Variants in ANKRD30B observed in about 807,000 individuals in gnomAD.
ANKRD30B encodes the protein ankyrin repeat domain-containing protein 30B.
ANKRD30B carries 144 observed loss-of-function variants against 202.2 expected under a neutral mutation model. That is an observed-to-expected ratio of 0.71 (90% confidence interval 0.62 to 0.82). The LOEUF is 0.82. Among genes scored for constraint, ANKRD30B ranks in the 40% least tolerant of loss-of-function variants. The pLI, the probability that ANKRD30B is intolerant of heterozygous loss-of-function variation, is 0.00. For missense variants in ANKRD30B, 1,487 were observed against 1,669.1 expected, an observed-to-expected ratio of 0.89 and a Z score of 1.90; for synonymous variants, 508 against 561.3, an observed-to-expected ratio of 0.91 and a Z score of 1.34.
At chr18:14,783,380 G>A (rs1313816345) in intron 12 of ANKRD30B, among the ~76,000 whole-genome samples, 1 of 152,080 alleles carries the variant, frequency 6.6e-6, no homozygotes, top group Non-Finnish European at 1.5e-5. Flanking sequence ...GTGCTCATTA[G>A]GTTTCTATGT....
chr18:14,860,473 A>G, the ANKRD30B span, among the ~76,000 whole-genome samples: 1 of 138,980 alleles, frequency 7.2e-6, no homozygotes, highest in African/African-American at 2.7e-5. Context: ...GTGGCCAGGC[A>G]GAGGCACTCC....
intron 33 of ANKRD30B, among the ~76,000 whole-genome samples, chr18:14,831,181 G>GAAAAAAGAAAAAAAAAAA (rs1970910714): frequency 1.9e-5 from 1 of 52,358 alleles, no homozygotes; most frequent in Non-Finnish European, 3.4e-5. Flanking sequence ...CTCCGTCTCG[G>GAAAAAAGAAAAAAAAAAA]AAAAAAAAAA....
At chr18:14,784,235 A>C in intron 12 of ANKRD30B, 101 bp from the exon 13 acceptor site, 1 of 1,220,692 alleles carries the variant, frequency 8.2e-7, no homozygotes, top group Non-Finnish European at 1.2e-6. Context: ...TTCATTCTCA[A>C]AGTCAACCAA....
the ANKRD30B span, among the ~76,000 whole-genome samples, chr18:14,863,857 A>G: frequency 1.3e-5 from 2 of 150,380 alleles, no homozygotes; most frequent in Non-Finnish European, 3.0e-5. Flanking sequence ...AATATCCTCA[A>G]CAAAATGCTA....
the ANKRD30B span, among the ~76,000 whole-genome samples, chr18:14,879,604 G>C: frequency 9.3e-3 from 1,422 of 152,158 alleles, 23 homozygotes; most frequent in African/African-American, 0.032. Flanking sequence ...AGGGGTTGGA[G>C]ATAGGAGTTA....
chr18:14,860,385 G>GGGT, the ANKRD30B span, among the ~76,000 whole-genome samples: 7 of 111,398 alleles, frequency 6.3e-5, no homozygotes, highest in Admixed American at 9.4e-5. Context: ...TTCCCAGAGG[G>GGGT]GGTGGCCGGG....
intron 7 of ANKRD30B, among the ~76,000 whole-genome samples, chr18:14,766,472 CAAAAAAAAAA>C (rs1168681924): frequency 5.4e-5 from 3 of 55,608 alleles, no homozygotes; most frequent in East Asian, 7.8e-4. Context: ...GACTCCATCT[CAAAAAAAAAA>C]AAAAAAAAAA....
rs542005142 is a variant in ANKRD30B at position 14,796,267 on chromosome 18, G to A, written c.1854+18G>A. 6.2e-7 allele frequency: 1 copy of A among 1,608,206 alleles called. No homozygotes were observed. The highest frequency in any genetic ancestry group is 8.5e-7 in the Non-Finnish European group (1 of 1,175,424). The stretch of plus-strand genomic sequence containing the variant: ...TTCTGAAGGTAATAACTTTTATATT[G>A]CTATCTTGAATACTAACTACATATT... On this transcript the variant is annotated intron_variant, in intron 17 of 43. Transcript: ENST00000690538.
At chr18:14,819,014 C>A (rs923900585) in intron 30 of ANKRD30B, among the ~76,000 whole-genome samples, 18 of 152,168 alleles carry the variant, frequency 1.2e-4, no homozygotes, top group African/African-American at 1.7e-4. Flanking sequence ...CACATCCTCT[C>A]CAGCACCTGT....
chr18:14,800,256 T>A (rs1969223519), intron 22 of ANKRD30B, among the ~76,000 whole-genome samples: 1 of 150,132 alleles, frequency 6.7e-6, no homozygotes, highest in Non-Finnish European at 1.5e-5. Flanking sequence ...ATTCACAACA[T>A]ATGTGTGTGG....
the ANKRD30B span, among the ~76,000 whole-genome samples, chr18:14,866,205 G>A: frequency 6.8e-4 from 104 of 152,390 alleles, no homozygotes; most frequent in Middle Eastern, 3.4e-3. Context: ...CTCCAGCCAA[G>A]CTACTCTGTT....
chr18:14,789,448 G>A (rs1598620353), intron 15 of ANKRD30B, among the ~76,000 whole-genome samples: 1 of 152,102 alleles, frequency 6.6e-6, no homozygotes, highest in African/African-American at 2.4e-5. Flanking sequence ...TGGTGTTTTA[G>A]ACATGAAGTC....
intron 32 of ANKRD30B, among the ~76,000 whole-genome samples, chr18:14,823,989 C>A (rs1051222416): frequency 1.3e-5 from 2 of 152,152 alleles, no homozygotes; most frequent in African/African-American, 4.8e-5. Flanking sequence ...AACAAGCAAA[C>A]AAACAAAACC....
At chr18:14,828,770 G>A (rs1284815245) in intron 33 of ANKRD30B, among the ~76,000 whole-genome samples, 4 of 152,162 alleles carry the variant, frequency 2.6e-5, no homozygotes, top group Non-Finnish European at 4.4e-5. Flanking sequence ...ATGTTTAACC[G>A]TTAAAGTGGT....
chr18:14,919,441 C>T, the ANKRD30B span, among the ~76,000 whole-genome samples: 1 of 152,160 alleles, frequency 6.6e-6, no homozygotes, highest in African/African-American at 2.4e-5. Flanking sequence ...CCCTCTGCCA[C>T]ATCCCAGGTA....
the ANKRD30B span, among the ~76,000 whole-genome samples, chr18:14,899,327 T>C: frequency 2.0e-5 from 3 of 152,148 alleles, no homozygotes; most frequent in Non-Finnish European, 2.9e-5. Context: ...TGACCTCATA[T>C]AGCATGTGTA....
chr18:14,834,277 T>C lies in ANKRD30B; in HGVS notation c.2847+2822T>C, dbSNP rs991942140. Among the ~76,000 whole-genome samples the C allele has an allele frequency of 2.0e-5, 3 of 152,006 alleles. 1 individual carries two copies. Among genetic ancestry groups the C allele is most frequent in the Admixed American group, 1.3e-4 (2 of 15,260 alleles). On this transcript the variant is annotated intron_variant, in intron 34 of 43. Transcript: ENST00000690538. ...ATTATTTCTACAGTACTATAAACTG[T>C]GTAAGAATAAATTTTTGTCGTAGGT...
chr18:14,878,276 C>T, the ANKRD30B span, among the ~76,000 whole-genome samples: 29 of 152,096 alleles, frequency 1.9e-4, no homozygotes, highest in African/African-American at 2.7e-4. Flanking sequence ...GGACAAAACG[C>T]GGTCTTTGTT....
chr18:14,921,770 T>A, the ANKRD30B span, among the ~76,000 whole-genome samples: 1 of 152,234 alleles, frequency 6.6e-6, no homozygotes, highest in African/African-American at 2.4e-5. Flanking sequence ...GTGTCTAGAA[T>A]GTGACCAGAG....
Sources: gnomAD v4.1 joint callset for allele counts (sites outside exome capture counted in the v4.1 genomes callset) on GRCh38, gnomAD v4.1.1 for gene constraint, MANE v1.5 for transcripts, NCBI Gene and HGNC (gene_info 2026-07-23, HGNC 2026-07-21) for gene names.